CGGBP1: variants seen among roughly 807,000 people sequenced by gnomAD.
CGGBP1 encodes CGG triplet repeat binding protein 1.
Under a neutral mutation model 11.4 loss-of-function variants are expected in CGGBP1, and 4 were observed. The observed-to-expected ratio is 0.35, with a 90% CI of 0.17 to 0.80. CGGBP1 has a LOEUF of 0.80. CGGBP1 is among the 30% of genes least tolerant of loss of function. The probability of loss-of-function intolerance (pLI) is 0.52; values close to 1 mark genes in which losing one functional copy is unlikely to be tolerated. For synonymous variants in CGGBP1, 76 were observed against 74.1 expected, an observed-to-expected ratio of 1.03 and a Z score of -0.13; for missense variants, 135 against 202.1, an observed-to-expected ratio of 0.67 and a Z score of 2.01.
intron 2 of CGGBP1, among the ~76,000 whole-genome samples, chr3:88,065,819 G>A (rs1176637273): frequency 1.3e-5 from 2 of 152,006 alleles, no homozygotes; most frequent in African/African-American, 4.8e-5. Flanking sequence ...CTCCCTGTCC[G>A]GGGCTAAAGC....
chr3:88,077,211 T>C (rs1707853329), intron 2 of CGGBP1, among the ~76,000 whole-genome samples: 1 of 152,230 alleles, frequency 6.6e-6, no homozygotes, highest in Admixed American at 6.5e-5. Flanking sequence ...AATGAATTTT[T>C]GTTGTTTAGC....
intron 2 of CGGBP1, among the ~76,000 whole-genome samples, chr3:88,065,940 C>G (rs1707173504): frequency 6.6e-6 from 1 of 152,136 alleles, no homozygotes; most frequent in Admixed American, 6.6e-5. Flanking sequence ...TTACCATGAT[C>G]TGCAGGCTGG....
chr3:88,109,157 G>GTGTGTGTGTA (rs1704934712), intron 2 of CGGBP1, among the ~76,000 whole-genome samples: 1 of 151,276 alleles, frequency 6.6e-6, no homozygotes, highest in Non-Finnish European at 1.5e-5. Flanking sequence ...GTGTGTGTGT[G>GTGTGTGTGTA]TGTGTGTGTG....
At chr3:88,059,268 A>G (rs1392272773), upstream of CGGBP1, 6 of 1,531,674 alleles carry the variant, frequency 3.9e-6, no homozygotes, top group Non-Finnish European at 4.4e-6. Flanking sequence ...CTAGGCATCT[A>G]CGGCGGCGGC....
intron 2 of CGGBP1, chr3:88,129,625 A>C: frequency 8.0e-7 from 1 of 1,244,720 alleles, no homozygotes; most frequent in South Asian, 2.2e-5. Context: ...TTAAACATTT[A>C]TTGCAACTAG....
At chr3:88,112,301 CT>C (rs1325366762) in intron 2 of CGGBP1, among the ~76,000 whole-genome samples, 1 of 151,238 alleles carries the variant, frequency 6.6e-6, no homozygotes. Flanking sequence ...AAAAAAACAA[CT>C]TTAGGTAGTT....
intron 1 of CGGBP1, among the ~76,000 whole-genome samples, chr3:88,146,150 T>A (rs1707308892): frequency 6.6e-6 from 1 of 152,190 alleles, no homozygotes; most frequent in Non-Finnish European, 1.5e-5. Context: ...CAGCATCACC[T>A]GGAAATTTGT....
intron 2 of CGGBP1, among the ~76,000 whole-genome samples, chr3:88,072,314 G>T (rs1707559519): frequency 6.6e-6 from 1 of 152,096 alleles, no homozygotes; most frequent in African/African-American, 2.4e-5. Flanking sequence ...TTTTTACACA[G>T]CAGTCAATGT....
chr3:88,128,370 T>G (rs1350282705), intron 2 of CGGBP1, among the ~76,000 whole-genome samples: 1 of 152,118 alleles, frequency 6.6e-6, no homozygotes, highest in African/African-American at 2.4e-5. Context: ...ATCTCTATAA[T>G]TAATGTGAAC....
At chr3:88,106,540 G>T (rs191468074) in intron 2 of CGGBP1, among the ~76,000 whole-genome samples, 4 of 151,916 alleles carry the variant, frequency 2.6e-5, no homozygotes, top group Non-Finnish European at 5.9e-5. Context: ...GGTTTCGTTC[G>T]CCATGTTGGC....
At chr3:88,059,199 C>T, upstream of CGGBP1, 2 of 1,449,666 alleles carry the variant, frequency 1.4e-6, no homozygotes, top group Non-Finnish European at 1.8e-6. Flanking sequence ...GCCGAGAGGC[C>T]CCTGTCCGGC....
chr3:88,107,329 G>A (rs971331523), intron 2 of CGGBP1, among the ~76,000 whole-genome samples: 36 of 152,150 alleles, frequency 2.4e-4, no homozygotes, highest in Non-Finnish European at 2.5e-4. Flanking sequence ...GTCAAAATTC[G>A]TTAGCCTATA....
intron 2 of CGGBP1, chr3:88,140,049 A>C: frequency 6.2e-7 from 1 of 1,613,778 alleles, no homozygotes; most frequent in Non-Finnish European, 8.5e-7. Flanking sequence ...ATTTTGTCAA[A>C]GGCAATTTGA....
At chr3:88,086,190 G>T in intron 2 of CGGBP1, 1 of 1,428,652 alleles carries the variant, frequency 7.0e-7, no homozygotes, top group Non-Finnish European at 9.3e-7. Context: ...TAACTTTTAT[G>T]CAAATTTTTA....
chr3:88,071,959 A>AT (rs1485134745), intron 2 of CGGBP1, among the ~76,000 whole-genome samples: 1 of 152,188 alleles, frequency 6.6e-6, no homozygotes, highest in East Asian at 1.9e-4. Flanking sequence ...AAAATGCTGT[A>AT]TTTTTCTTGT....
intron 2 of CGGBP1, among the ~76,000 whole-genome samples, chr3:88,116,561 T>TACACACACAC (rs61470020): frequency 4.6e-4 from 70 of 151,032 alleles, no homozygotes; most frequent in Non-Finnish European, 6.6e-4. Flanking sequence ...TACATATATA[T>TACACACACAC]ACACACACAC....
intron 2 of CGGBP1, among the ~76,000 whole-genome samples, chr3:88,127,385 T>C (rs1453140002): frequency 1.3e-5 from 2 of 151,764 alleles, no homozygotes; most frequent in Non-Finnish European, 2.9e-5. Context: ...GACAGTGTTA[T>C]GAAGAACCCA....
At chr3:88,088,745 T>C (rs1708468544) in intron 2 of CGGBP1, among the ~76,000 whole-genome samples, 1 of 79,526 alleles carries the variant, frequency 1.3e-5, no homozygotes, top group Admixed American at 1.1e-4. Context: ...AACCTTTATT[T>C]ATGTATGTAT....
intron 2 of CGGBP1, among the ~76,000 whole-genome samples, chr3:88,078,583 A>G (rs1707931815): frequency 6.6e-6 from 1 of 152,124 alleles, no homozygotes; most frequent in Non-Finnish European, 1.5e-5. Context: ...AAGTAGTATA[A>G]TGTTGAGCAA....
Sources: gnomAD v4.1 joint callset for allele counts (sites outside exome capture counted in the v4.1 genomes callset) on GRCh38, gnomAD v4.1.1 for gene constraint, MANE v1.5 for transcripts, NCBI Gene and HGNC (gene_info 2026-07-23, HGNC 2026-07-21) for gene names.